Variants in BNC2 observed in about 807,000 individuals in gnomAD.
BNC2 encodes zinc finger protein basonuclin-2.
A neutral mutation model predicts 76.3 loss-of-function variants in BNC2; 20 were observed. The observed-to-expected ratio is 0.26, with a 90% CI of 0.18 to 0.38. The LOEUF (loss-of-function observed/expected upper bound fraction) is 0.38. Among genes scored for constraint, BNC2 ranks in the 10% least tolerant of loss-of-function variants. BNC2 has a pLI of 1.00. For missense variants in BNC2, 1,382 were observed against 1,399.8 expected, an observed-to-expected ratio of 0.99 and a Z score of 0.20; for synonymous variants, 582 against 514.8, an observed-to-expected ratio of 1.13 and a Z score of -1.77.
intron 4 of BNC2, among the ~76,000 whole-genome samples, chr9:16,577,740 AAAAG>A (rs1171156538): frequency 3.9e-5 from 6 of 152,206 alleles, no homozygotes; most frequent in African/African-American, 1.4e-4. Flanking sequence ...AGAACATAAT[AAAAG>A]AAAGGTCTCA....
At chr9:16,547,059 G>A (rs920588366) in intron 5 of BNC2, among the ~76,000 whole-genome samples, 1 of 152,138 alleles carries the variant, frequency 6.6e-6, no homozygotes, top group South Asian at 2.1e-4. Context: ...CTGTGATCAG[G>A]GGAAAGTCAC....
At chr9:16,592,121 C>A (rs900509661) in intron 3 of BNC2, among the ~76,000 whole-genome samples, 1 of 151,830 alleles carries the variant, frequency 6.6e-6, no homozygotes, top group Non-Finnish European at 1.5e-5. Context: ...CTCCCCTCCC[C>A]CCAAAAAAAA....
At chr9:16,559,833 G>A (rs1207585190) in intron 4 of BNC2, among the ~76,000 whole-genome samples, 2 of 152,186 alleles carry the variant, frequency 1.3e-5, no homozygotes, top group Admixed American at 6.5e-5. Flanking sequence ...TTATCTCTGA[G>A]GTACGTGCTG....
intron 5 of BNC2, among the ~76,000 whole-genome samples, chr9:16,518,088 T>C (rs560417038): frequency 4.3e-4 from 66 of 152,200 alleles, no homozygotes; most frequent in Non-Finnish European, 4.7e-4. Flanking sequence ...TTATATATAC[T>C]TCGGTGTAGC....
chr9:16,707,197 G>GCC (rs143519773), intron 3 of BNC2, among the ~76,000 whole-genome samples: 145 of 147,888 alleles, frequency 9.8e-4, no homozygotes, highest in African/African-American at 2.6e-3. Flanking sequence ...GCAAGACTCC[G>GCC]CCCCCCCGCC....
chr9:16,796,822 G>C (rs1203000325), intron 1 of BNC2, among the ~76,000 whole-genome samples: 1 of 152,100 alleles, frequency 6.6e-6, no homozygotes, highest in East Asian at 1.9e-4. Flanking sequence ...ATTCAAATTA[G>C]GATTGCTAAC....
chr9:16,708,297 T>G (rs1046182475), intron 3 of BNC2, among the ~76,000 whole-genome samples: 2 of 152,238 alleles, frequency 1.3e-5, no homozygotes, highest in Admixed American at 1.3e-4. Flanking sequence ...TAAAGTTCTG[T>G]AAGCTACGTT....
At chr9:16,632,506 A>T (rs1196030607) in intron 3 of BNC2, among the ~76,000 whole-genome samples, 1 of 150,544 alleles carries the variant, frequency 6.6e-6, no homozygotes, top group African/African-American at 2.5e-5. Context: ...CAAACTGATG[A>T]ACTCTTAATT....
At position 16,428,451 on chromosome 9, in the gene BNC2, G is replaced by A. The variant is rs142078414; in HGVS notation, c.2639+7104C>T. On this transcript the variant is annotated intron_variant, in intron 6 of 6. Coordinates refer to ENST00000380672, the MANE Select transcript of BNC2 (RefSeq NM_017637.6). ...AAAGTTACTTCATACATCACTTTCC[G>A]AGATGTAGATGTCTATTCTGGCAAT... is the stretch of plus-strand genomic sequence containing the variant. Among the ~76,000 whole-genome samples, 205 of 152,188 alleles carry A rather than the reference G, an allele frequency of 1.3e-3. 1 individual carries two copies. Among genetic ancestry groups the A allele is most frequent in the African/African-American group, 4.6e-3 (189 of 41,504 alleles).
At chr9:16,581,912 A>G (rs1819639147) in intron 4 of BNC2, among the ~76,000 whole-genome samples, 2 of 152,094 alleles carry the variant, frequency 1.3e-5, no homozygotes, top group Non-Finnish European at 2.9e-5. Context: ...TATTCCTCTC[A>G]GAGTACTCTC....
intron 1 of BNC2, among the ~76,000 whole-genome samples, chr9:16,842,841 T>C (rs552851173): frequency 5.3e-5 from 8 of 152,288 alleles, no homozygotes; most frequent in African/African-American, 1.9e-4. Context: ...AATCTCTGTC[T>C]CTTGGGTTCA....
At chr9:16,422,157 T>G (rs143102844) in intron 6 of BNC2, among the ~76,000 whole-genome samples, 1 of 152,342 alleles carries the variant, frequency 6.6e-6, no homozygotes, top group East Asian at 1.9e-4. Flanking sequence ...AGAGATTTTC[T>G]CTTCATTTCT....
chr9:16,852,039 A>G (rs1819139273), intron 1 of BNC2, among the ~76,000 whole-genome samples: 1 of 152,212 alleles, frequency 6.6e-6, no homozygotes, highest in Non-Finnish European at 1.5e-5. Flanking sequence ...GAAGAGTGGG[A>G]ACAGATTTTA....
chr9:16,818,271 GC>G (rs1818231289), intron 1 of BNC2, among the ~76,000 whole-genome samples: 3 of 152,144 alleles, frequency 2.0e-5, no homozygotes, highest in African/African-American at 7.2e-5. Flanking sequence ...GGGCGAGTTG[GC>G]GGGCGCCTGT....
intron 4 of BNC2, among the ~76,000 whole-genome samples, chr9:16,559,223 T>A (rs1044397358): frequency 9.9e-5 from 15 of 150,818 alleles, no homozygotes; most frequent in Non-Finnish European, 2.9e-5. Flanking sequence ...CAGGATGGCT[T>A]TGAATGCGGC....
intron 5 of BNC2, among the ~76,000 whole-genome samples, chr9:16,547,524 A>AT (rs769672966): frequency 2.0e-5 from 3 of 152,228 alleles, no homozygotes; most frequent in African/African-American, 7.2e-5. Context: ...AAAAATAAAC[A>AT]TTTTAACAGT....
intron 5 of BNC2, among the ~76,000 whole-genome samples, chr9:16,437,896 T>C (rs750051849): frequency 6.6e-6 from 1 of 152,066 alleles, no homozygotes; most frequent in Admixed American, 6.5e-5. Flanking sequence ...TGAAATCCAA[T>C]ATAAATGAAA....
intron 6 of BNC2, among the ~76,000 whole-genome samples, chr9:16,428,807 C>T (rs1201579695): frequency 6.6e-6 from 1 of 152,090 alleles, no homozygotes; most frequent in Non-Finnish European, 1.5e-5. Context: ...ATCACTAACA[C>T]TTTAGGTGTA....
chr9:16,476,405 G>C (rs773450300), intron 5 of BNC2, among the ~76,000 whole-genome samples: 16 of 152,016 alleles, frequency 1.1e-4, no homozygotes, highest in Non-Finnish European at 1.8e-4. Context: ...TCTTTCAGCA[G>C]GCCATGCTTC....
Sources: allele counts gnomAD v4.1 joint callset (sites outside exome capture counted in the v4.1 genomes callset), GRCh38; gene constraint gnomAD v4.1.1; transcripts MANE v1.5; gene names NCBI Gene and HGNC (gene_info 2026-07-23, HGNC 2026-07-21).